MTR: variants seen among roughly 807,000 people sequenced by gnomAD.
MTR encodes 5-methyltetrahydrofolate-homocysteine methyltransferase, also known as methionine synthase.
Under a neutral mutation model 154.8 loss-of-function variants are expected in MTR, and 84 were observed. The ratio of observed to expected loss-of-function variants is 0.54; its 90% CI spans 0.45 to 0.65. The LOEUF is 0.65. Ranked by LOEUF, MTR falls within the 30% of genes least tolerant of loss-of-function variation. The pLI, the probability that MTR is intolerant of heterozygous loss-of-function variation, is 0.00. For missense variants in MTR, 1,275 were observed against 1,570.2 expected, an observed-to-expected ratio of 0.81 and a Z score of 3.18; for synonymous variants, 554 against 553.9, an observed-to-expected ratio of 1.00 and a Z score of 0.00.
chr1:236,840,056 A>G (rs1663142038), intron 15 of MTR, among the ~76,000 whole-genome samples: 1 of 152,180 alleles, frequency 6.6e-6, no homozygotes. Flanking sequence ...GGACATACTG[A>G]CAATGAACAA....
intron 1 of MTR, among the ~76,000 whole-genome samples, chr1:236,799,139 T>A (rs747110213): frequency 5.3e-5 from 8 of 152,050 alleles, no homozygotes; most frequent in Admixed American, 3.3e-4. Context: ...TCCCCCTTTT[T>A]CTTGAGACAG....
intron 22 of MTR, among the ~76,000 whole-genome samples, chr1:236,863,979 C>G (rs561002714): frequency 5.7e-4 from 87 of 152,092 alleles, no homozygotes; most frequent in Non-Finnish European, 9.7e-4. Context: ...TACAGGAAGG[C>G]CTTCTCTGTA....
intron 22 of MTR, among the ~76,000 whole-genome samples, chr1:236,868,933 A>G (rs1664967987): frequency 6.6e-6 from 1 of 152,222 alleles, no homozygotes; most frequent in African/African-American, 2.4e-5. Flanking sequence ...TGAAGGAGAG[A>G]TCAACAATTT....
intron 5 of MTR, 127 bp downstream of exon 5, chr1:236,810,722 A>G: frequency 1.3e-6 from 1 of 792,334 alleles, no homozygotes; most frequent in Non-Finnish European, 2.2e-6. Flanking sequence ...TAATCCATGT[A>G]AAACGTGTAC....
At chr1:236,862,202 G>T (rs530725988) in intron 20 of MTR, 34 bp from the exon 21 acceptor site, 7 of 1,571,996 alleles carry the variant, frequency 4.5e-6, no homozygotes, top group South Asian at 1.1e-5. Context: ...CCTGTGGTTT[G>T]GGAAAGATAC....
At chr1:236,897,339 C>CACACACACACACACACACACAT (rs1666717920) in intron 32 of MTR, among the ~76,000 whole-genome samples, 7 of 151,362 alleles carry the variant, frequency 4.6e-5, no homozygotes, top group Admixed American at 4.6e-4. Flanking sequence ...CACACACACA[C>CACACACACACACACACACACAT]ACACATACAG....
At position 236,829,251 on chromosome 1, in the gene MTR, G is replaced by A; in HGVS notation, c.1058G>A (p.Gly353Glu). The change falls in exon 12 of 33, where the codon GGA (glycine) becomes GAA (glutamate). Residue 353 changes from glycine (G) to glutamate (E), a missense_variant. By Grantham distance (98) the Gly-to-Glu change is moderately conservative (BLOSUM62 -2). Transcript: ENST00000366577. ...PRVPPATAFE[G>E]HMLLSGLEPF... is the part of the protein sequence containing the mutation. Reference sequence around the variant, plus strand: ...GTTCCACCTGCCACTGCTTTTGAAGGACATATGTTACTGTCTGGTGAGTCA... The same window carrying A: ...GTTCCACCTGCCACTGCTTTTGAAGAACATATGTTACTGTCTGGTGAGTCA... The A allele has an allele frequency of 1.2e-6, 2 of 1,613,918 alleles. No homozygotes were observed. The highest frequency in any genetic ancestry group is 1.7e-6 in the Non-Finnish European group (2 of 1,179,840).
Position 236,826,880 on chromosome 1 carries a change from A to T in MTR, c.979A>T (p.Thr327Ser). 1.2e-6 allele frequency: 2 copies of T among 1,614,004 alleles called. No individual in the cohort carries two copies. Among genetic ancestry groups the T allele is most frequent in the Non-Finnish European group, 1.7e-6 (2 of 1,179,880 alleles). Residue 327 changes from threonine to serine, a missense_variant, in exon 11 of 33, where the codon ACA (threonine) becomes TCA (serine). Physicochemically the swap from Thr to Ser is moderately conservative, Grantham distance 58 (BLOSUM62 1). Transcript: ENST00000366577. Reference protein sequence around the residue: ...VNIVGGCCGSTPDHIREIAEA... With the variant: ...VNIVGGCCGSSPDHIREIAEA... ...TATAGTTGGAGGATGCTGTGGGTCA[A>T]CACCAGATCATATCAGGTAATAATC...
chr1:236,869,684 G>T (rs2103346876), intron 22 of MTR, among the ~76,000 whole-genome samples: 1 of 152,208 alleles, frequency 6.6e-6, no homozygotes, highest in South Asian at 2.1e-4. Flanking sequence ...GGGGTTATGT[G>T]TAGGGGTAAA....
Position 236,795,698 on chromosome 1 carries a change from G to A in MTR, c.-6G>A. 1 of 1,614,124 alleles carries A rather than the reference G, an allele frequency of 6.2e-7. No homozygotes were observed. Among genetic ancestry groups the A allele is most frequent in the Non-Finnish European group, 8.5e-7 (1 of 1,180,032 alleles). ...CGCCCTCTGCGCAAGGAGGAGACTC[G>A]ACAACATGTCACCCGCGCTCCAAGA... On this transcript the variant is annotated 5_prime_UTR_variant, in exon 1 of 33. Coordinates refer to ENST00000366577, the MANE Select transcript of MTR (RefSeq NM_000254.3).
rs75372348 is a variant in MTR, at chr1:236,860,389, C to T, written c.2043+467C>T. Among the ~76,000 whole-genome samples the T allele has an allele frequency of 6.4e-4, 96 of 149,156 alleles. 1 individual carries two copies. The East Asian group carries it at 0.018, about 28-fold the overall frequency. On this transcript the variant is annotated intron_variant, in intron 19 of 32. Coordinates refer to ENST00000366577, the MANE Select transcript of MTR (RefSeq NM_000254.3). ...TTCCTCATGTGTGAGTCTGGAGAAT[C>T]TCAGAGTTTTGTTTTGTTTTGTTTT... is the stretch of plus-strand genomic sequence containing the variant.
Position 236,898,968 on chromosome 1 carries a change from A to T in MTR, c.*1324A>T, listed in dbSNP as rs1453097174. The T allele has an allele frequency of 6.6e-6, 1 of 152,226 alleles. No individual in the cohort carries two copies. The highest frequency in any genetic ancestry group is 2.4e-5 in the African/African-American group (1 of 41,460). The allele number at this position is 152,226 out of a possible 1,614,324, so 9.4% of individuals were successfully genotyped here. ...TGCATGCAAAATATACACTCATCCT[A>T]CTTCAAGATGGTGGTGGCAATAGTC... is the stretch of plus-strand genomic sequence containing the variant. On this transcript the variant is annotated 3_prime_UTR_variant, in exon 33 of 33. Transcript: ENST00000366577.
intron 5 of MTR, 97 bp downstream of exon 5, chr1:236,810,692 A>G (rs905167039): frequency 1.0e-6 from 1 of 999,768 alleles, no homozygotes; most frequent in Middle Eastern, 2.3e-4. Context: ...AACAGGATCT[A>G]CCTTAGAGTT....
intron 22 of MTR, among the ~76,000 whole-genome samples, chr1:236,873,181 A>G (rs1665233733): frequency 6.6e-6 from 1 of 152,242 alleles, no homozygotes; most frequent in South Asian, 2.1e-4. Context: ...GCCAAACACA[A>G]AAGGATGAAT....
At chr1:236,870,137 C>T (rs1665044998) in intron 22 of MTR, among the ~76,000 whole-genome samples, 2 of 152,200 alleles carry the variant, frequency 1.3e-5, no homozygotes, top group Non-Finnish European at 2.9e-5. Flanking sequence ...TTCCTTTGTG[C>T]ATCCCAGTAC....
intron 1 of MTR, among the ~76,000 whole-genome samples, chr1:236,797,393 A>T (rs943448102): frequency 1.3e-5 from 2 of 152,200 alleles, no homozygotes; most frequent in African/African-American, 4.8e-5. Flanking sequence ...ATGGTGGGCT[A>T]GCAAATACAT....
chr1:236,846,854 C>T (rs893877023), intron 15 of MTR, among the ~76,000 whole-genome samples: 15 of 151,994 alleles, frequency 9.9e-5, no homozygotes, highest in African/African-American at 3.6e-4. Flanking sequence ...CACAAACATC[C>T]GTTTCCATCA....
intron 8 of MTR, among the ~76,000 whole-genome samples, chr1:236,821,946 T>G (rs559001156): frequency 6.6e-5 from 10 of 152,358 alleles, no homozygotes; most frequent in African/African-American, 2.4e-4. Context: ...CCACATTGTC[T>G]TGATTGCTTT....
At chr1:236,883,848 A>G (rs1365427383) in intron 25 of MTR, among the ~76,000 whole-genome samples, 1 of 152,182 alleles carries the variant, frequency 6.6e-6, no homozygotes, top group Non-Finnish European at 1.5e-5. Flanking sequence ...TTTAGCCGTC[A>G]TTCAGTCTGA....
Sources: allele counts gnomAD v4.1 joint callset (sites outside exome capture counted in the v4.1 genomes callset), GRCh38; gene constraint gnomAD v4.1.1; transcripts MANE v1.5; gene names NCBI Gene and HGNC (gene_info 2026-07-23, HGNC 2026-07-21).